Variants in SGCZ observed in about 807,000 individuals in gnomAD.
SGCZ encodes the protein zeta-sarcoglycan.
Under a neutral mutation model 41.3 loss-of-function variants are expected in SGCZ, and 40 were observed. The observed-to-expected ratio is 0.97, with a 90% CI of 0.75 to 1.26. The LOEUF (loss-of-function observed/expected upper bound fraction) is 1.26. SGCZ is among the 50% of genes most tolerant of loss of function. SGCZ has a pLI of 0.00. For missense variants in SGCZ, 552 were observed against 369.8 expected, an observed-to-expected ratio of 1.49 and a Z score of -4.04; for synonymous variants, 206 against 137.5, an observed-to-expected ratio of 1.50 and a Z score of -3.49.
chr8:15,186,601 T>C (rs1299747779), intron 1 of SGCZ, among the ~76,000 whole-genome samples: 2 of 152,224 alleles, frequency 1.3e-5, no homozygotes, highest in Admixed American at 1.3e-4. Context: ...TCATAATTTA[T>C]CTTCAAAAGA....
rs1554478141 is a variant in SGCZ, at chr8:14,674,928, G to GCTTTTTTTT, written c.40-120003_40-120002insAAAAAAAAG. Among the ~76,000 whole-genome samples, 174 of 71,014 alleles carry GCTTTTTTTT rather than the reference G, an allele frequency of 2.5e-3. 35 individuals are homozygous for GCTTTTTTTT. The highest frequency in any genetic ancestry group is 7.3e-3 in the East Asian group (15 of 2,056). 46.6% of individuals were successfully genotyped at this position (71,014 alleles called of 152,430 possible). A position where few individuals can be genotyped will look rare whatever the true frequency, so the allele number is the denominator to read the frequency against. On this transcript the variant is annotated intron_variant, in intron 1 of 7. Coordinates refer to ENST00000382080, the MANE Select transcript of SGCZ (RefSeq NM_139167.4). ...GCCAATTTAACCTCTTTTCTTTTCTGTTTTTTTTTTTTTTTTTTTTTTTTT... is the reference window on the plus strand; with the variant it reads ...GCCAATTTAACCTCTTTTCTTTTCTGCTTTTTTTTTTTTTTTTTTTTTTTTTTTTTTTTT...
At chr8:14,824,966 A>G (rs975648746) in intron 1 of SGCZ, among the ~76,000 whole-genome samples, 3 of 152,134 alleles carry the variant, frequency 2.0e-5, no homozygotes, top group Non-Finnish European at 2.9e-5. Context: ...GACATACTGT[A>G]TTACAAGACC....
At chr8:14,250,909 A>G (rs778369011) in intron 3 of SGCZ, among the ~76,000 whole-genome samples, 3 of 152,164 alleles carry the variant, frequency 2.0e-5, no homozygotes, top group Non-Finnish European at 2.9e-5. Context: ...CCAGATAATT[A>G]TTAAGCTAGA....
intron 3 of SGCZ, among the ~76,000 whole-genome samples, chr8:14,242,662 A>G (rs2117182960): frequency 6.6e-6 from 1 of 152,296 alleles, no homozygotes; most frequent in South Asian, 2.1e-4. Context: ...TTTTACTACT[A>G]ATAATACTGG....
chr8:14,860,576 AAAAAG>A (rs1052690804), intron 1 of SGCZ, among the ~76,000 whole-genome samples: 3 of 151,618 alleles, frequency 2.0e-5, no homozygotes, highest in African/African-American at 7.3e-5. Flanking sequence ...GAAAGAAAAG[AAAAAG>A]AAAGAAAGAA....
At chr8:14,558,592 G>C (rs200057695) in intron 1 of SGCZ, among the ~76,000 whole-genome samples, 20 of 134,158 alleles carry the variant, frequency 1.5e-4, no homozygotes, top group East Asian at 6.3e-4. Flanking sequence ...GAGAGAGAGA[G>C]AGAGAGAGAG....
At chr8:14,289,208 A>G (rs1237194618) in intron 3 of SGCZ, among the ~76,000 whole-genome samples, 1 of 104,366 alleles carries the variant, frequency 9.6e-6, no homozygotes, top group Non-Finnish European at 2.2e-5. Context: ...ATATTTTCTC[A>G]CATAGTAGGA....
At chr8:15,001,354 T>C (rs920355647) in intron 1 of SGCZ, among the ~76,000 whole-genome samples, 5 of 152,198 alleles carry the variant, frequency 3.3e-5, no homozygotes, top group African/African-American at 9.6e-5. Flanking sequence ...AGTTTCTGCT[T>C]TGCAGGAAAG....
intron 1 of SGCZ, among the ~76,000 whole-genome samples, chr8:14,647,447 G>T (rs552143082): frequency 1.3e-4 from 20 of 152,034 alleles, no homozygotes; most frequent in African/African-American, 4.6e-4. Context: ...TAGATTAATT[G>T]CATTCATATT....
chr8:14,161,585 C>A (rs912141658), intron 5 of SGCZ, among the ~76,000 whole-genome samples: 1 of 152,148 alleles, frequency 6.6e-6, no homozygotes, highest in African/African-American at 2.4e-5. Flanking sequence ...TTGCTATGGG[C>A]AATCTCATAG....
At chr8:14,541,321 C>A (rs1803460591) in intron 2 of SGCZ, among the ~76,000 whole-genome samples, 1 of 151,868 alleles carries the variant, frequency 6.6e-6, no homozygotes, top group East Asian at 1.9e-4. Context: ...GCCCGGCAGG[C>A]CTTGATATGT....
chr8:15,134,072 A>G (rs1808016709), intron 1 of SGCZ, among the ~76,000 whole-genome samples: 2 of 152,302 alleles, frequency 1.3e-5, no homozygotes, highest in South Asian at 2.1e-4. Context: ...ATTAAGGCAG[A>G]TGACTGAGGC....
intron 5 of SGCZ, among the ~76,000 whole-genome samples, chr8:14,163,704 A>G (rs989618809): frequency 2.0e-5 from 3 of 152,136 alleles, no homozygotes; most frequent in African/African-American, 4.8e-5. Context: ...TTCAACCCAA[A>G]CAACCCAAGA....
chr8:15,079,838 G>A (rs1805675105), intron 1 of SGCZ, among the ~76,000 whole-genome samples: 4 of 152,078 alleles, frequency 2.6e-5, no homozygotes, highest in South Asian at 2.1e-4. Flanking sequence ...CCCAAGTAGG[G>A]AACATAGTAC....
intron 1 of SGCZ, among the ~76,000 whole-genome samples, chr8:15,051,592 T>C (rs1804515599): frequency 6.6e-6 from 1 of 152,156 alleles, no homozygotes; most frequent in Non-Finnish European, 1.5e-5. Flanking sequence ...CTGACAGAGT[T>C]TTCCAAAGTA....
At chr8:14,122,505 A>G (rs1464605122) in intron 5 of SGCZ, among the ~76,000 whole-genome samples, 3 of 152,200 alleles carry the variant, frequency 2.0e-5, no homozygotes, top group African/African-American at 7.2e-5. Context: ...ATTGTATTTA[A>G]TCAAAATGTT....
chr8:14,621,030 G>A (rs935282960), intron 1 of SGCZ, among the ~76,000 whole-genome samples: 1 of 151,996 alleles, frequency 6.6e-6, no homozygotes, highest in Non-Finnish European at 1.5e-5. Context: ...CAAAGACTTG[G>A]AACCAACCCC....
At chr8:15,033,062 A>G (rs1803739251) in intron 1 of SGCZ, among the ~76,000 whole-genome samples, 1 of 151,982 alleles carries the variant, frequency 6.6e-6, no homozygotes. Flanking sequence ...TGCCAGCCCT[A>G]CCTACTAGGC....
At chr8:14,630,008 C>A (rs186995437) in intron 1 of SGCZ, among the ~76,000 whole-genome samples, 16,045 of 151,918 alleles carry the variant, frequency 0.11, 950 homozygotes, top group African/African-American at 0.18. Context: ...TGTGCTAGGT[C>A]AAATACTTTG....
Sources: allele counts gnomAD v4.1 joint callset (sites outside exome capture counted in the v4.1 genomes callset), GRCh38; gene constraint gnomAD v4.1.1; transcripts MANE v1.5; gene names NCBI Gene and HGNC (gene_info 2026-07-23, HGNC 2026-07-21).